SCAMP1: variants seen among roughly 807,000 people sequenced by gnomAD.
The protein encoded by SCAMP1 is secretory carrier membrane protein 1.
Under a neutral mutation model 41.8 loss-of-function variants are expected in SCAMP1, and 15 were observed. That is an observed-to-expected ratio of 0.36 (90% CI 0.24 to 0.55). SCAMP1 has a LOEUF of 0.55. SCAMP1 is among the 20% of genes least tolerant of loss of function. The pLI is 0.86. For missense variants in SCAMP1, 341 were observed against 412.6 expected, an observed-to-expected ratio of 0.83 and a Z score of 1.50; for synonymous variants, 135 against 136.8, an observed-to-expected ratio of 0.99 and a Z score of 0.09.
intron 2 of SCAMP1, among the ~76,000 whole-genome samples, chr5:78,409,528 T>C (rs1752018756): frequency 6.6e-6 from 1 of 152,102 alleles, no homozygotes; most frequent in South Asian, 2.1e-4. Context: ...TTAGTAGTGA[T>C]GAAAAGAGGT....
intron 1 of SCAMP1, among the ~76,000 whole-genome samples, chr5:78,381,230 A>G (rs766603169): frequency 3.9e-5 from 6 of 152,204 alleles, no homozygotes; most frequent in Non-Finnish European, 8.8e-5. Flanking sequence ...GGTAGAGGGA[A>G]GGTATCAGAA....
At chr5:78,415,103 G>A (rs548461730) in intron 2 of SCAMP1, among the ~76,000 whole-genome samples, 3 of 151,792 alleles carry the variant, frequency 2.0e-5, no homozygotes, top group Non-Finnish European at 4.4e-5. Flanking sequence ...ACAGGTGCCC[G>A]CCACCACACC....
At chr5:78,447,920 TCC>T in intron 6 of SCAMP1, among the ~76,000 whole-genome samples, 1 of 71,300 alleles carries the variant, frequency 1.4e-5, no homozygotes, top group African/African-American at 5.8e-5. Context: ...CCCTCCTGCC[TCC>T]TTCCCCCTTC....
chr5:78,374,303 A>G (rs1043079162), intron 1 of SCAMP1, among the ~76,000 whole-genome samples: 6 of 152,116 alleles, frequency 3.9e-5, no homozygotes, highest in Admixed American at 2.6e-4. Flanking sequence ...GGCAGAAGGC[A>G]TATGTGTTGT....
At chr5:78,471,643 G>A (rs760295143) in intron 8 of SCAMP1, among the ~76,000 whole-genome samples, 3 of 152,010 alleles carry the variant, frequency 2.0e-5, no homozygotes, top group Non-Finnish European at 2.9e-5. Context: ...CTTCCCACAC[G>A]ATACAGTTTT....
chr5:78,479,987 A>G lies in SCAMP1; in HGVS notation c.*4319A>G, dbSNP rs528548865. Among the ~76,000 whole-genome samples, 17 of 151,770 alleles carry G rather than the reference A, an allele frequency of 1.1e-4. No individual in the cohort carries two copies. Among genetic ancestry groups the G allele is most frequent in the African/African-American group, 3.9e-4 (16 of 41,320 alleles). ...CGTGAACCTGGGAGGCGGAGCTTGC[A>G]GTGAGCCGAGATCTCTCCACTGCAC... On this transcript the variant is annotated 3_prime_UTR_variant, in exon 9 of 9. Coordinates refer to ENST00000621999, the MANE Select transcript of SCAMP1 (RefSeq NM_004866.6).
chr5:78,367,470 A>T (rs1750827021), intron 1 of SCAMP1, among the ~76,000 whole-genome samples: 1 of 152,158 alleles, frequency 6.6e-6, no homozygotes, highest in African/African-American at 2.4e-5. Context: ...GGGCACAGCA[A>T]TTAGCTGTCT....
chr5:78,447,862 C>A (rs1168472786), intron 6 of SCAMP1, among the ~76,000 whole-genome samples: 1 of 88,170 alleles, frequency 1.1e-5, no homozygotes, highest in Non-Finnish European at 2.4e-5. Context: ...TCCTCCCCTG[C>A]CCCCCTTCCC....
chr5:78,401,819 G>A (rs1751806315), intron 2 of SCAMP1, among the ~76,000 whole-genome samples: 1 of 151,962 alleles, frequency 6.6e-6, no homozygotes, highest in African/African-American at 2.4e-5. Flanking sequence ...TTGATTTTCT[G>A]TTTTTAATTT....
chr5:78,381,492 G>C (rs1580649954), intron 1 of SCAMP1, among the ~76,000 whole-genome samples: 1 of 152,146 alleles, frequency 6.6e-6, no homozygotes, highest in East Asian at 1.9e-4. Context: ...TTCTAAATTA[G>C]GTTAACTTTA....
intron 6 of SCAMP1, among the ~76,000 whole-genome samples, chr5:78,448,995 C>A (rs866361770): frequency 8.3e-6 from 1 of 120,838 alleles, no homozygotes; most frequent in African/African-American, 3.0e-5. Flanking sequence ...AGCAAAACTC[C>A]GTCTCAAAAA....
intron 1 of SCAMP1, among the ~76,000 whole-genome samples, chr5:78,376,740 TAGGG>T (rs1208595566): frequency 2.6e-5 from 4 of 152,146 alleles, no homozygotes. Flanking sequence ...GGTCGGAGGA[TAGGG>T]AGGGAAGACC....
intron 8 of SCAMP1, among the ~76,000 whole-genome samples, chr5:78,463,109 A>G (rs1425647787): frequency 1.3e-5 from 2 of 152,208 alleles, no homozygotes; most frequent in Admixed American, 6.5e-5. Flanking sequence ...CCGTTCTTCC[A>G]TATTTTCTCT....
chr5:78,475,687 C>G lies in SCAMP1; in HGVS notation c.*19C>G. On this transcript the variant is annotated 3_prime_UTR_variant, in exon 9 of 9. Transcript: ENST00000621999. ...GATTTAAGAATCTTCAAACAATACA[C>G]TGTTACCTTTTGACTGTACCTTTTT... The G allele has an allele frequency of 6.7e-7, 1 of 1,485,664 alleles. No individual in the cohort carries two copies. Among genetic ancestry groups the G allele is most frequent in the South Asian group, 1.4e-5 (1 of 72,708 alleles). The allele number at this position is 1,485,664 out of a possible 1,614,324, so 92.0% of individuals were successfully genotyped here.
At chr5:78,435,379 T>C (rs892745146) in intron 6 of SCAMP1, among the ~76,000 whole-genome samples, 4 of 152,164 alleles carry the variant, frequency 2.6e-5, no homozygotes, top group African/African-American at 9.7e-5. Flanking sequence ...ATGCTATCCC[T>C]CCTCCAGCCC....
intron 6 of SCAMP1, among the ~76,000 whole-genome samples, chr5:78,432,854 A>G (rs1461236499): frequency 6.6e-6 from 1 of 151,914 alleles, no homozygotes; most frequent in African/African-American, 2.4e-5. Flanking sequence ...GCTTTCTGTA[A>G]TTTTTATTAC....
chr5:78,364,362 A>G (rs1750740953), intron 1 of SCAMP1, among the ~76,000 whole-genome samples: 1 of 152,204 alleles, frequency 6.6e-6, no homozygotes, highest in Non-Finnish European at 1.5e-5. Flanking sequence ...TAATTGATTG[A>G]ATAAGATAGT....
intron 1 of SCAMP1, among the ~76,000 whole-genome samples, chr5:78,372,555 A>T (rs1750967065): frequency 6.6e-6 from 1 of 152,168 alleles, no homozygotes; most frequent in South Asian, 2.1e-4. Context: ...ATATTAAAAA[A>T]AAAAATTAGA....
intron 1 of SCAMP1, among the ~76,000 whole-genome samples, chr5:78,374,825 CT>C (rs1428344619): frequency 1.3e-5 from 2 of 151,982 alleles, no homozygotes; most frequent in Admixed American, 1.3e-4. Context: ...TTGAGTAAGA[CT>C]GTTACGACCC....
Sources: allele counts gnomAD v4.1 joint callset (sites outside exome capture counted in the v4.1 genomes callset), GRCh38; gene constraint gnomAD v4.1.1; transcripts MANE v1.5; gene names NCBI Gene and HGNC (gene_info 2026-07-23, HGNC 2026-07-21).